The following PIAS4 variants were observed in gnomAD, a reference collection of about 807,000 sequenced individuals.
PIAS4 encodes protein inhibitor of activated STAT 4.
In PIAS4, 7 loss-of-function variants were observed where a neutral mutation model predicts 58.0. The ratio of observed to expected loss-of-function variants is 0.12; its 90% CI spans 0.07 to 0.23. PIAS4 has a LOEUF of 0.23. Ranked by LOEUF, PIAS4 falls within the 10% of genes least tolerant of loss-of-function variation. The pLI is 1.00. For synonymous variants in PIAS4, 364 were observed against 312.4 expected (o/e 1.17, Z -1.74); for missense variants, 550 against 709.5 (o/e 0.78, Z 2.55).
At chr19:4,030,260 TGGTCTC>T (rs1185268871) in intron 7 of PIAS4, among the ~76,000 whole-genome samples, 2 of 144,764 alleles carry the variant, frequency 1.4e-5, no homozygotes, top group African/African-American at 4.9e-5. Context: ...CTTTCGCACC[TGGTCTC>T]TTTTGTCCTT....
chr19:4,025,861 C>G (rs2040158158), intron 3 of PIAS4, among the ~76,000 whole-genome samples: 1 of 151,948 alleles, frequency 6.6e-6, no homozygotes, highest in Non-Finnish European at 1.5e-5. Flanking sequence ...ATCACGAGGT[C>G]AGAAGATCGA....
At chr19:4,030,311 C>T (rs1428618325) in intron 7 of PIAS4, among the ~76,000 whole-genome samples, 2,359 of 148,750 alleles carry the variant, frequency 0.016, no homozygotes, top group Middle Eastern at 0.031. Context: ...AAGTGACACG[C>T]AGAGCAATTT....
rs544331656 is a variant in PIAS4 at position 4,030,543 on chromosome 19, C to T, written c.907+1507C>T. On this transcript the variant is annotated intron_variant, in intron 7 of 10. Coordinates refer to ENST00000262971, the MANE Select transcript of PIAS4 (RefSeq NM_015897.4). Reference sequence around the variant, plus strand: ...CTGAGGCAGGAGAATGGCGTGAACCCAGGAGGCAGAGCTTGCAGTGAGCGG... The same window carrying T: ...CTGAGGCAGGAGAATGGCGTGAACCTAGGAGGCAGAGCTTGCAGTGAGCGG... Among the ~76,000 whole-genome samples the T allele has an allele frequency of 5.3e-5, 8 of 151,680 alleles. No individual in the cohort carries two copies. In the East Asian group the frequency reaches 9.7e-4, roughly 18 times the overall value.
At position 4,032,538 on chromosome 19, in the gene PIAS4, CAT is replaced by C. The variant is rs946796694; in HGVS notation, c.908-559_908-558del. Among the ~76,000 whole-genome samples the C allele has an allele frequency of 1.2e-4, 19 of 152,340 alleles. No individual in the cohort carries two copies. In the South Asian group the frequency reaches 2.5e-3, roughly 20 times the overall value. On this transcript the variant is annotated intron_variant, in intron 7 of 10. Coordinates refer to ENST00000262971, the MANE Select transcript of PIAS4 (RefSeq NM_015897.4). ...CCTGCCTCCAAGACTTCATGTTTCA[CAT>C]ATGTTTCCCCATGTTCCGTGCAGCT... is the stretch of plus-strand genomic sequence containing the variant.
intron 3 of PIAS4, among the ~76,000 whole-genome samples, chr19:4,024,360 C>T (rs2040141588): frequency 6.6e-6 from 1 of 152,220 alleles, no homozygotes; most frequent in Non-Finnish European, 1.5e-5. Context: ...GGCGGACTGA[C>T]TGTGCCCTTT....
At chr19:4,007,844 GC>G in intron 1 of PIAS4, 57 bp downstream of exon 1, 2 of 1,183,424 alleles carry the variant, frequency 1.7e-6, no homozygotes, top group Non-Finnish European at 2.1e-6. Context: ...CGGGGGCCGG[GC>G]CGCAGGTCGA....
chr19:4,012,786 C>G (rs928189989), intron 1 of PIAS4, 137 bp from the exon 2 acceptor site: 3 of 949,276 alleles, frequency 3.2e-6, no homozygotes, highest in African/African-American at 1.6e-5. Flanking sequence ...GCAGGGCACT[C>G]CACCAGCCCC....
intron 9 of PIAS4, among the ~76,000 whole-genome samples, chr19:4,034,898 C>T (rs1321275924): frequency 6.6e-6 from 1 of 152,182 alleles, no homozygotes; most frequent in Non-Finnish European, 1.5e-5. Flanking sequence ...TGGGTGACCC[C>T]AGGGTCCCCA....
intron 9 of PIAS4, among the ~76,000 whole-genome samples, chr19:4,036,671 C>G (rs938564399): frequency 7.0e-6 from 1 of 142,222 alleles, no homozygotes; most frequent in East Asian, 1.9e-4. Flanking sequence ...TCTATACAGT[C>G]CACACCGTCA....
Position 4,028,693 on chromosome 19 carries a change from G to A in PIAS4, c.673-27G>A, listed in dbSNP as rs772390424. 2.4e-5 allele frequency: 38 copies of A among 1,603,446 alleles called. No individual in the cohort carries two copies. The Middle Eastern group carries it at 5.0e-4, about 21-fold the overall frequency. On this transcript the variant is annotated intron_variant, in intron 5 of 10. Transcript: ENST00000262971. ...CGGATTTCCCAGCCGCTCTTGGCTC[G>A]AGGCTGAGCGGCCCATCTGCTTGCA...
chr19:4,015,730 A>G (rs776729101), intron 2 of PIAS4, among the ~76,000 whole-genome samples: 29 of 152,156 alleles, frequency 1.9e-4, no homozygotes, highest in Non-Finnish European at 3.2e-4. Context: ...CGGAGGACCC[A>G]GTTCCACCGG....
chr19:4,022,567 C>T (rs1016693905), intron 2 of PIAS4, among the ~76,000 whole-genome samples: 6 of 151,616 alleles, frequency 4.0e-5, no homozygotes, highest in Non-Finnish European at 8.8e-5. Flanking sequence ...GGGGTTTCAC[C>T]GTGTTAGCCA....
At chr19:4,014,453 G>T (rs773340281) in intron 2 of PIAS4, among the ~76,000 whole-genome samples, 1 of 152,138 alleles carries the variant, frequency 6.6e-6, no homozygotes. Context: ...GATAGGGAGC[G>T]GAACGTCCTG....
intron 1 of PIAS4, among the ~76,000 whole-genome samples, chr19:4,008,695 C>T (rs1246074984): frequency 4.6e-5 from 7 of 152,136 alleles, no homozygotes; most frequent in Admixed American, 3.9e-4. Flanking sequence ...CTCACCTGTG[C>T]AGCATCAGAT....
chr19:4,022,280 T>C (rs1487031054), intron 2 of PIAS4, among the ~76,000 whole-genome samples: 1 of 152,174 alleles, frequency 6.6e-6, no homozygotes, highest in Non-Finnish European at 1.5e-5. Context: ...ATTTCTGATA[T>C]TGGTAGTTTG....
chr19:4,034,684 C>T (rs568990464), intron 9 of PIAS4, among the ~76,000 whole-genome samples: 3 of 152,346 alleles, frequency 2.0e-5, no homozygotes, highest in East Asian at 1.9e-4. Context: ...CCCACAGGCC[C>T]GGAGTGGGGC....
chr19:4,012,670 A>AG (rs112404965), intron 1 of PIAS4, among the ~76,000 whole-genome samples: 2 of 150,096 alleles, frequency 1.3e-5, no homozygotes, highest in South Asian at 2.1e-4. Context: ...CTAAAATAGA[A>AG]GGGGGGGCCT....
Position 4,028,606 on chromosome 19 carries a change from C to T in PIAS4, c.672+6C>T. On this transcript the variant is annotated splice_donor_region_variant and intron_variant, in intron 5 of 10. Transcript: ENST00000262971. Reference sequence around the variant, plus strand: ...ACAGCTACTGCTCCGTCCCGGTGAGCATGCCCCGCCCCCGCGTCGGCTGCA... The same window carrying T: ...ACAGCTACTGCTCCGTCCCGGTGAGTATGCCCCGCCCCCGCGTCGGCTGCA... The T allele has an allele frequency of 6.2e-7, 1 of 1,612,198 alleles. No homozygotes were observed. The highest frequency in any genetic ancestry group is 8.5e-7 in the Non-Finnish European group (1 of 1,179,408).
intron 3 of PIAS4, among the ~76,000 whole-genome samples, chr19:4,026,828 G>A (rs560212429): frequency 4.0e-5 from 6 of 151,882 alleles, no homozygotes; most frequent in East Asian, 3.9e-4. Context: ...GATTACAGGC[G>A]TGCACCACCA....
Sources: gnomAD v4.1 joint callset for allele counts (sites outside exome capture counted in the v4.1 genomes callset) on GRCh38, gnomAD v4.1.1 for gene constraint, MANE v1.5 for transcripts, NCBI Gene and HGNC (gene_info 2026-07-23, HGNC 2026-07-21) for gene names.